Variants in PTPRM observed in about 807,000 individuals in gnomAD.
PTPRM encodes the protein receptor-type tyrosine-protein phosphatase mu.
In PTPRM, 47 loss-of-function variants were observed where a neutral mutation model predicts 186.7. The ratio of observed to expected loss-of-function variants is 0.25; its 90% CI spans 0.20 to 0.32. The LOEUF is 0.32. PTPRM is among the 10% of genes least tolerant of loss of function. PTPRM has a pLI of 1.00. For missense variants in PTPRM, 1,494 were observed against 1,865.0 expected, an observed-to-expected ratio of 0.80 and a Z score of 3.66; for synonymous variants, 668 against 674.9, an observed-to-expected ratio of 0.99 and a Z score of 0.16.
chr18:7,688,074 C>T (rs2039647895), intron 1 of PTPRM, among the ~76,000 whole-genome samples: 1 of 152,026 alleles, frequency 6.6e-6, no homozygotes, highest in Non-Finnish European at 1.5e-5. Flanking sequence ...TGTGCCTGGT[C>T]AAAATTTTTT....
At chr18:8,051,191 T>G (rs535141618) in intron 7 of PTPRM, among the ~76,000 whole-genome samples, 1 of 152,182 alleles carries the variant, frequency 6.6e-6, no homozygotes, top group Non-Finnish European at 1.5e-5. Flanking sequence ...TAGTAACCAT[T>G]GTACCTCTCT....
At chr18:8,031,087 G>A (rs946528043) in intron 7 of PTPRM, among the ~76,000 whole-genome samples, 1 of 152,104 alleles carries the variant, frequency 6.6e-6, no homozygotes, top group Non-Finnish European at 1.5e-5. Context: ...AGAAATTTAA[G>A]CAATTACTTA....
At chr18:8,319,858 G>T (rs547869412) in intron 22 of PTPRM, among the ~76,000 whole-genome samples, 6 of 152,190 alleles carry the variant, frequency 3.9e-5, no homozygotes, top group Non-Finnish European at 7.3e-5. Flanking sequence ...GAAAGCAGCT[G>T]GTGGGTCACC....
At chr18:7,574,418 G>T (rs1029793132) in intron 1 of PTPRM, among the ~76,000 whole-genome samples, 2 of 152,168 alleles carry the variant, frequency 1.3e-5, no homozygotes, top group African/African-American at 4.8e-5. Flanking sequence ...TAAGCATGCA[G>T]CCCAGTGTGC....
At chr18:8,370,103 A>C (rs2095654832) in intron 23 of PTPRM, among the ~76,000 whole-genome samples, 1 of 151,996 alleles carries the variant, frequency 6.6e-6, no homozygotes, top group African/African-American at 2.4e-5. Flanking sequence ...GAAGAGGCCA[A>C]GGACAGAGCT....
At chr18:7,796,507 A>C (rs559972890) in intron 2 of PTPRM, among the ~76,000 whole-genome samples, 1 of 152,312 alleles carries the variant, frequency 6.6e-6, no homozygotes, top group South Asian at 2.1e-4. Flanking sequence ...GTGAGAGCTC[A>C]CCTCACTCCA....
chr18:7,684,326 G>A (rs533318589), intron 1 of PTPRM, among the ~76,000 whole-genome samples: 17 of 151,962 alleles, frequency 1.1e-4, no homozygotes, highest in East Asian at 3.9e-4. Context: ...ATAAATGAAT[G>A]AATAAAATAA....
At chr18:7,841,061 C>A (rs903362040) in intron 2 of PTPRM, among the ~76,000 whole-genome samples, 1 of 152,078 alleles carries the variant, frequency 6.6e-6, no homozygotes. Context: ...TTTTAAGTTC[C>A]TTGAACTGAA....
At chr18:8,299,011 G>A (rs2095126715) in intron 20 of PTPRM, among the ~76,000 whole-genome samples, 1 of 152,170 alleles carries the variant, frequency 6.6e-6, no homozygotes, top group African/African-American at 2.4e-5. Context: ...AGCTACTCAG[G>A]AGGCGGAGGC....
At chr18:8,106,860 A>G (rs112627801) in intron 11 of PTPRM, among the ~76,000 whole-genome samples, 2,451 of 152,300 alleles carry the variant, frequency 0.016, 63 homozygotes, top group African/African-American at 0.056. Flanking sequence ...TCCCAAGTCA[A>G]TGCTCTCTCA....
At chr18:7,570,941 GTT>G (rs11312671) in intron 1 of PTPRM, among the ~76,000 whole-genome samples, 259 of 133,468 alleles carry the variant, frequency 1.9e-3, no homozygotes, top group African/African-American at 3.5e-3. Flanking sequence ...AAAATTGTGG[GTT>G]TTTTTTTTTT....
At chr18:8,274,563 G>C (rs1017180747) in intron 19 of PTPRM, among the ~76,000 whole-genome samples, 3 of 152,118 alleles carry the variant, frequency 2.0e-5, no homozygotes, top group African/African-American at 7.2e-5. Flanking sequence ...TTTAATCAGT[G>C]CCTGAGCTGT....
At chr18:8,180,326 T>G (rs1286471996) in intron 14 of PTPRM, among the ~76,000 whole-genome samples, 1 of 152,188 alleles carries the variant, frequency 6.6e-6, no homozygotes, top group Non-Finnish European at 1.5e-5. Context: ...GCAACCTCAG[T>G]TCTTGCCTCC....
intron 23 of PTPRM, among the ~76,000 whole-genome samples, chr18:8,346,161 A>G (rs1321074964): frequency 1.3e-5 from 2 of 152,204 alleles, no homozygotes; most frequent in African/African-American, 4.8e-5. Flanking sequence ...CCGGCCTAGA[A>G]GAGGGTGCTG....
At chr18:8,289,578 A>G (rs564921937) in intron 19 of PTPRM, among the ~76,000 whole-genome samples, 288 of 102,528 alleles carry the variant, frequency 2.8e-3, no homozygotes, top group South Asian at 7.1e-3. Context: ...ATATATATAC[A>G]TATATATATA....
intron 2 of PTPRM, among the ~76,000 whole-genome samples, chr18:7,828,191 G>A (rs545523879): frequency 3.5e-4 from 53 of 152,030 alleles, no homozygotes; most frequent in Admixed American, 2.4e-3. Flanking sequence ...GTTCAGATGA[G>A]TAACTAGTTT....
At position 8,380,591 on chromosome 18, in the gene PTPRM, G is replaced by A. The variant is rs141621365; in HGVS notation, c.3918+164G>A. ...TGAACACAACGGTTAAAAATCAGGC[G>A]GAATTAGGGGTTAGAAAGTCAGTTG... On this transcript the variant is annotated intron_variant, in intron 29 of 32. Transcript: ENST00000580170. 1.7e-3 allele frequency among the ~76,000 whole-genome samples: 257 copies of A among 152,064 alleles called. 1 individual carries two copies. Among genetic ancestry groups the A allele is most frequent in the African/African-American group, 5.7e-3 (236 of 41,352 alleles).
intron 1 of PTPRM, among the ~76,000 whole-genome samples, chr18:7,666,189 TC>T (rs1458010928): frequency 6.6e-6 from 1 of 152,214 alleles, no homozygotes; most frequent in African/African-American, 2.4e-5. Flanking sequence ...GTGAAGATTT[TC>T]CCCTTTAATC....
At chr18:7,653,050 G>GA (rs2144299518) in intron 1 of PTPRM, among the ~76,000 whole-genome samples, 1 of 151,500 alleles carries the variant, frequency 6.6e-6, no homozygotes, top group African/African-American at 2.4e-5. Context: ...ATAAGCTTAT[G>GA]AAAAAAATGT....
Sources: allele counts gnomAD v4.1 joint callset (sites outside exome capture counted in the v4.1 genomes callset), GRCh38; gene constraint gnomAD v4.1.1; transcripts MANE v1.5; gene names NCBI Gene and HGNC (gene_info 2026-07-23, HGNC 2026-07-21).